Variants in SMPD3 observed in about 807,000 individuals in gnomAD.
SMPD3 encodes sphingomyelin phosphodiesterase 3, also known as nSMase-2.
Under a neutral mutation model 55.7 loss-of-function variants are expected in SMPD3, and 21 were observed. The observed-to-expected ratio is 0.38, with a 90% CI of 0.27 to 0.54. SMPD3 has a LOEUF of 0.54. Ranked by LOEUF, SMPD3 falls within the 20% of genes least tolerant of loss-of-function variation. SMPD3 has a pLI of 0.80. For missense variants in SMPD3, 842 were observed against 899.6 expected (o/e 0.94, Z 0.82); for synonymous variants, 457 against 404.3 (o/e 1.13, Z -1.56).
chr16:68,435,285 G>A (rs1567810643), intron 1 of SMPD3, among the ~76,000 whole-genome samples: 1 of 152,150 alleles, frequency 6.6e-6, no homozygotes, highest in Non-Finnish European at 1.5e-5. Context: ...GTCTCAGCTG[G>A]GAAACTTCCT....
chr16:68,415,408 C>T (rs1014887248), intron 1 of SMPD3, among the ~76,000 whole-genome samples: 5 of 152,130 alleles, frequency 3.3e-5, no homozygotes, highest in East Asian at 1.9e-4. Context: ...GAATTCTGCC[C>T]GTTCAGCAAT....
chr16:68,403,733 G>A (rs2090230263), intron 1 of SMPD3, among the ~76,000 whole-genome samples: 1 of 152,198 alleles, frequency 6.6e-6, no homozygotes, highest in Non-Finnish European at 1.5e-5. Context: ...AGGTTTGATT[G>A]TTTGCACAAT....
At chr16:68,362,861 T>C (rs1381031831) in intron 7 of SMPD3, among the ~76,000 whole-genome samples, 2 of 152,258 alleles carry the variant, frequency 1.3e-5, no homozygotes, top group South Asian at 2.1e-4. Context: ...CAGCATAGGA[T>C]GATGTTTCAA....
At chr16:68,412,403 C>T (rs1182417763) in intron 1 of SMPD3, among the ~76,000 whole-genome samples, 1 of 152,176 alleles carries the variant, frequency 6.6e-6, no homozygotes, top group Non-Finnish European at 1.5e-5. Flanking sequence ...TGTAAAGGGT[C>T]CAGATCAGGA....
At chr16:68,432,037 C>T (rs2090484682) in intron 1 of SMPD3, among the ~76,000 whole-genome samples, 2 of 152,082 alleles carry the variant, frequency 1.3e-5, no homozygotes, top group South Asian at 4.1e-4. Context: ...ATCACTTGAA[C>T]CAGGAAGGCA....
chr16:68,385,935 A>AT (rs56135170), intron 2 of SMPD3, among the ~76,000 whole-genome samples: 28,346 of 152,170 alleles, frequency 0.19, 2,814 homozygotes, highest in African/African-American at 0.23. Flanking sequence ...AAAAAATGTG[A>AT]TTTTTGGCTG....
Position 68,370,893 on chromosome 16 carries a change from T to C in SMPD3, c.1289A>G (p.Asp430Gly). Reference protein sequence around the residue: ...YHCYPNKCNDDALASKGALFL... With the variant: ...YHCYPNKCNDGALASKGALFL... ...CAGAGCTCCCTTAGAGGCCAGGGCATCGTCGTTACACTTGTTGGGGTAACA... is the reference window on the plus strand; with the variant it reads ...CAGAGCTCCCTTAGAGGCCAGGGCACCGTCGTTACACTTGTTGGGGTAACA... Residue 430 changes from aspartate (D) to glycine (G), a missense_variant, in exon 3 of 9, where the codon GAT becomes GGT. Physicochemically the swap from Asp to Gly is moderately conservative, Grantham distance 94 (BLOSUM62 -1). Around this residue, in one of 2 missense-constraint regions of SMPD3, gnomAD observed 649 missense variants for 643.6 expected, o/e 1.01. Transcript: ENST00000219334. The C allele has an allele frequency of 6.2e-7, 1 of 1,613,984 alleles. No individual in the cohort carries two copies. Among genetic ancestry groups the C allele is most frequent in the Non-Finnish European group, 8.5e-7 (1 of 1,179,944 alleles).
intron 2 of SMPD3, among the ~76,000 whole-genome samples, chr16:68,378,357 G>A (rs1386834691): frequency 1.3e-5 from 2 of 152,152 alleles, no homozygotes; most frequent in Non-Finnish European, 2.9e-5. Flanking sequence ...AGACAGAAGC[G>A]GATGCCTTTC....
At chr16:68,378,910 A>G (rs895988125) in intron 2 of SMPD3, among the ~76,000 whole-genome samples, 1 of 152,218 alleles carries the variant, frequency 6.6e-6, no homozygotes, top group African/African-American at 2.4e-5. Flanking sequence ...GGCTGGAAGG[A>G]AAGAGACCAA....
chr16:68,392,472 G>A (rs1172827086), intron 1 of SMPD3, among the ~76,000 whole-genome samples: 1 of 152,118 alleles, frequency 6.6e-6, no homozygotes, highest in Non-Finnish European at 1.5e-5. Context: ...GGGCATATAG[G>A]GATGTAACCC....
At chr16:68,410,632 C>T (rs1361745112) in intron 1 of SMPD3, among the ~76,000 whole-genome samples, 2 of 152,200 alleles carry the variant, frequency 1.3e-5, no homozygotes, top group Non-Finnish European at 2.9e-5. Flanking sequence ...TATAAATCCT[C>T]GCTTTCTTGC....
intron 1 of SMPD3, among the ~76,000 whole-genome samples, chr16:68,420,085 G>T (rs1449820215): frequency 6.6e-6 from 1 of 150,634 alleles, no homozygotes; most frequent in Admixed American, 6.7e-5. Flanking sequence ...CTAGGCTCAA[G>T]CAATCCTCCC....
At chr16:68,432,801 T>TTTTC (rs1312048084) in intron 1 of SMPD3, among the ~76,000 whole-genome samples, 11 of 152,114 alleles carry the variant, frequency 7.2e-5, no homozygotes, top group African/African-American at 2.4e-4. Context: ...TTTGACTTTG[T>TTTTC]TTTTCTTTTC....
At chr16:68,375,338 G>C (rs1030546568) in intron 2 of SMPD3, among the ~76,000 whole-genome samples, 5 of 152,144 alleles carry the variant, frequency 3.3e-5, no homozygotes, top group Non-Finnish European at 7.3e-5. Flanking sequence ...CAGCAGGAAG[G>C]GCTGTGCAGG....
chr16:68,391,291 A>T (rs1232012108), intron 1 of SMPD3, among the ~76,000 whole-genome samples: 1 of 152,236 alleles, frequency 6.6e-6, no homozygotes, highest in Admixed American at 6.5e-5. Context: ...TAGATACTGA[A>T]GAAGATGAAG....
chr16:68,364,551 C>G (rs1358535315), intron 5 of SMPD3, 200 bp downstream of exon 5: 3 of 630,410 alleles, frequency 4.8e-6, no homozygotes, highest in East Asian at 2.9e-5. Flanking sequence ...ATCTCTGTCT[C>G]CAGCTTTCTA....
At chr16:68,375,095 C>T (rs563117301) in intron 2 of SMPD3, among the ~76,000 whole-genome samples, 4 of 152,344 alleles carry the variant, frequency 2.6e-5, no homozygotes, top group African/African-American at 9.6e-5. Flanking sequence ...ACCATCCTCA[C>T]CTGAGCTCCT....
At chr16:68,400,621 A>G (rs1319554018) in intron 1 of SMPD3, among the ~76,000 whole-genome samples, 1 of 152,222 alleles carries the variant, frequency 6.6e-6, no homozygotes, top group African/African-American at 2.4e-5. Flanking sequence ...TTAGTACCAT[A>G]TGCTACAAGT....
intron 1 of SMPD3, among the ~76,000 whole-genome samples, chr16:68,440,937 T>C (rs2090560642): frequency 6.6e-6 from 1 of 152,266 alleles, no homozygotes; most frequent in Non-Finnish European, 1.5e-5. Flanking sequence ...TTATTCATTG[T>C]ATGCTTATGT....
Sources: allele counts gnomAD v4.1 joint callset (sites outside exome capture counted in the v4.1 genomes callset), GRCh38; gene constraint gnomAD v4.1.1; regional missense constraint gnomAD v4.1.1; transcripts MANE v1.5; gene names NCBI Gene and HGNC (gene_info 2026-07-23, HGNC 2026-07-21).